Variants in PIBF1 observed in about 807,000 individuals in gnomAD.
The protein encoded by PIBF1 is progesterone-induced-blocking factor 1.
PIBF1 carries 90 observed loss-of-function variants against 112.5 expected under a neutral mutation model. The ratio of observed to expected loss-of-function variants is 0.80; its 90% CI spans 0.67 to 0.95. The LOEUF (loss-of-function observed/expected upper bound fraction) is 0.95. Among genes scored for constraint, PIBF1 ranks in the 40% least tolerant of loss-of-function variants. The pLI is 0.00. For missense variants in PIBF1, 915 were observed against 852.3 expected (o/e 1.07, Z -0.92); for synonymous variants, 301 against 288.6 (o/e 1.04, Z -0.44).
Position 72,782,161 on chromosome 13 carries a change from T to G in PIBF1, c.-236T>G, listed in dbSNP as rs1593861986. Reference sequence around the variant, plus strand: ...GTTGACTTCCGGCGGCTTGTGGGAGTGCTGGTTCTGTCCTCCTTGCGGGTG... The same window carrying G: ...GTTGACTTCCGGCGGCTTGTGGGAGGGCTGGTTCTGTCCTCCTTGCGGGTG... On this transcript the variant is annotated 5_prime_UTR_variant, in exon 1 of 18. Transcript: ENST00000326291. 1.8e-5 allele frequency: 5 copies of G among 284,872 alleles called. No homozygotes were observed. Among genetic ancestry groups the G allele is most frequent in the Non-Finnish European group, 3.3e-5 (5 of 151,674 alleles). 17.6% of individuals were successfully genotyped at this position (284,872 alleles called of 1,614,324 possible).
At chr13:72,894,255 A>G (rs1435424508) in intron 11 of PIBF1, among the ~76,000 whole-genome samples, 2 of 152,082 alleles carry the variant, frequency 1.3e-5, no homozygotes, top group Admixed American at 1.3e-4. Context: ...AACTTCACTG[A>G]CATGTGAAAT....
In PIBF1 at chr13:72,783,715, T is replaced by TA; in HGVS notation, c.247dup (p.Thr83AsnfsTer4). The TA allele has an allele frequency of 1.2e-6, 2 of 1,613,618 alleles. No homozygotes were observed. The highest frequency in any genetic ancestry group is 1.7e-6 in the Non-Finnish European group (2 of 1,179,632). On this transcript the variant is annotated frameshift_variant, in exon 2 of 18. Coordinates refer to ENST00000326291, the MANE Select transcript of PIBF1 (RefSeq NM_006346.4). LOFTEE classifies it high-confidence loss of function. ...TCGACAATTTGAAAGTGGATTATCT[T>TA]ACAAAGGTAAGATCAGGTTTAAATT...
intron 10 of PIBF1, among the ~76,000 whole-genome samples, chr13:72,868,639 A>G (rs2039023787): frequency 6.6e-6 from 1 of 152,252 alleles, no homozygotes; most frequent in South Asian, 2.1e-4. Flanking sequence ...GTCAGCAGAT[A>G]CTTCAACTTG....
chr13:72,868,776 G>A (rs1170461114), intron 10 of PIBF1, among the ~76,000 whole-genome samples: 1 of 144,600 alleles, frequency 6.9e-6, no homozygotes, highest in African/African-American at 2.6e-5. Flanking sequence ...TAGAGGCTAC[G>A]AGTTTGAAAC....
intron 10 of PIBF1, among the ~76,000 whole-genome samples, chr13:72,871,545 C>A (rs1431079770): frequency 6.6e-6 from 1 of 152,134 alleles, no homozygotes; most frequent in African/African-American, 2.4e-5. Context: ...ACCTTGTGAT[C>A]CACCTGCCTC....
intron 14 of PIBF1, among the ~76,000 whole-genome samples, chr13:72,955,262 G>T (rs1000903690): frequency 7.2e-5 from 11 of 151,944 alleles, no homozygotes; most frequent in East Asian, 1.9e-4. Flanking sequence ...CTTGGTTATG[G>T]TTCATTCTGG....
intron 14 of PIBF1, among the ~76,000 whole-genome samples, chr13:72,951,463 T>C (rs747630743): frequency 1.4e-4 from 21 of 152,246 alleles, no homozygotes; most frequent in Non-Finnish European, 2.9e-4. Context: ...CCTCAGAAAA[T>C]GCAGGGGTTT....
chr13:72,954,170 T>G (rs945219987), intron 14 of PIBF1, among the ~76,000 whole-genome samples: 2 of 152,162 alleles, frequency 1.3e-5, no homozygotes, highest in African/African-American at 4.8e-5. Context: ...TCAGCTCCCA[T>G]GCACTTGGCA....
Position 73,016,062 on chromosome 13 carries a change from A to G in PIBF1, c.*143A>G. On this transcript the variant is annotated 3_prime_UTR_variant, in exon 18 of 18. Coordinates refer to ENST00000326291, the MANE Select transcript of PIBF1 (RefSeq NM_006346.4). Reference sequence around the variant, plus strand: ...GAACTAATATTAAATTAACAAATTCAGTGTAATCAAAATGTGTAAAGAACA... The same window carrying G: ...GAACTAATATTAAATTAACAAATTCGGTGTAATCAAAATGTGTAAAGAACA... 3 of 349,830 alleles carry G rather than the reference A, an allele frequency of 8.6e-6. No individual in the cohort carries two copies. The highest frequency in any genetic ancestry group is 1.5e-5 in the Non-Finnish European group (3 of 195,540). 21.7% of individuals were successfully genotyped at this position (349,830 alleles called of 1,614,324 possible). A position where few individuals can be genotyped will look rare whatever the true frequency, so the allele number is the denominator to read the frequency against.
rs139943676 is a variant in PIBF1, at chr13:72,997,189, T to A, written c.2050-1633T>A. On this transcript the variant is annotated intron_variant, in intron 16 of 17. Transcript: ENST00000326291. ...ATGCCAAAGATAGAAAAGTTGTGGCTAATAAAGAGATGTTCTTTCAGATAG... is the reference window on the plus strand; with the variant it reads ...ATGCCAAAGATAGAAAAGTTGTGGCAAATAAAGAGATGTTCTTTCAGATAG... Among the ~76,000 whole-genome samples, 5 of 152,266 alleles carry A rather than the reference T, an allele frequency of 3.3e-5. No homozygotes were observed. The East Asian group carries it at 5.8e-4, about 18-fold the overall frequency.
intron 14 of PIBF1, among the ~76,000 whole-genome samples, chr13:72,932,653 C>T (rs2041746794): frequency 6.6e-6 from 1 of 152,096 alleles, no homozygotes; most frequent in Admixed American, 6.6e-5. Context: ...TTGTCAGCAG[C>T]ATACCAGTAC....
chr13:72,837,131 C>A (rs945812639), intron 9 of PIBF1, among the ~76,000 whole-genome samples: 2 of 151,932 alleles, frequency 1.3e-5, no homozygotes, highest in Non-Finnish European at 2.9e-5. Context: ...TAGCAGTAGA[C>A]AAACTAAAAA....
chr13:72,836,829 T>C (rs781110480), intron 9 of PIBF1, among the ~76,000 whole-genome samples: 16 of 152,122 alleles, frequency 1.1e-4, no homozygotes, highest in Admixed American at 1.3e-4. Flanking sequence ...CTCATAAATT[T>C]GGCTTGCATA....
chr13:73,001,257 A>T (rs527787796), intron 17 of PIBF1, among the ~76,000 whole-genome samples: 72 of 152,146 alleles, frequency 4.7e-4, no homozygotes, highest in South Asian at 1.4e-3. Context: ...GAATATTTTC[A>T]ATTTTCCATA....
At chr13:72,890,832 A>G (rs1355635004) in intron 10 of PIBF1, among the ~76,000 whole-genome samples, 1 of 152,120 alleles carries the variant, frequency 6.6e-6, no homozygotes, top group Non-Finnish European at 1.5e-5. Flanking sequence ...TGTTGGAGCT[A>G]CTTTTGTAGC....
Position 72,885,078 on chromosome 13 carries a change from CAGAT to C in PIBF1, c.1323-8702_1323-8699del, listed in dbSNP as rs200512020. ...AATAATTTTAACTTGTTACAGAACT[CAGAT>C]AGAGCCTGTCATATCACACTACTTT... is the stretch of plus-strand genomic sequence containing the variant. On this transcript the variant is annotated intron_variant, in intron 10 of 17. Coordinates refer to ENST00000326291, the MANE Select transcript of PIBF1 (RefSeq NM_006346.4). Among the ~76,000 whole-genome samples, 1,073 of 152,226 alleles carry C rather than the reference CAGAT, an allele frequency of 7.0e-3. 22 individuals carry two copies. Among genetic ancestry groups the C allele is most frequent in the African/African-American group, 0.024 (997 of 41,556 alleles).
At chr13:72,916,414 A>T (rs9600037) in intron 12 of PIBF1, among the ~76,000 whole-genome samples, 39,676 of 148,946 alleles carry the variant, frequency 0.27, 5,602 homozygotes, top group Middle Eastern at 0.3. Context: ...ATATATATAT[A>T]TTTTTTTAAT....
chr13:72,879,974 G>A (rs2039557145), intron 10 of PIBF1, among the ~76,000 whole-genome samples: 1 of 152,152 alleles, frequency 6.6e-6, no homozygotes, highest in African/African-American at 2.4e-5. Context: ...GGCCCACAAA[G>A]CCTAAAATAC....
At chr13:72,993,619 G>A (rs767825028) in intron 16 of PIBF1, among the ~76,000 whole-genome samples, 5 of 151,694 alleles carry the variant, frequency 3.3e-5, no homozygotes, top group African/African-American at 9.7e-5. Flanking sequence ...GGTGACGGGC[G>A]CCTGTAGTCC....
Sources: allele counts gnomAD v4.1 joint callset (sites outside exome capture counted in the v4.1 genomes callset), GRCh38; gene constraint gnomAD v4.1.1; transcripts MANE v1.5; gene names NCBI Gene and HGNC (gene_info 2026-07-23, HGNC 2026-07-21).